The following CACNA1E variants were observed in gnomAD, a reference collection of about 807,000 sequenced individuals.
The protein encoded by CACNA1E is voltage-dependent R-type calcium channel subunit alpha-1E.
CACNA1E carries 40 observed loss-of-function variants against 259.2 expected under a neutral mutation model. The ratio of observed to expected loss-of-function variants is 0.15; its 90% confidence interval spans 0.12 to 0.20. CACNA1E has a LOEUF of 0.20. Among genes scored for constraint, CACNA1E ranks in the 10% least tolerant of loss-of-function variants. CACNA1E has a pLI of 1.00. For synonymous variants in CACNA1E, 1,104 were observed against 1,138.5 expected (o/e 0.97, Z 0.61); for missense variants, 1,874 against 3,040.1 (o/e 0.62, Z 9.02).
intron 2 of CACNA1E, among the ~76,000 whole-genome samples, chr1:181,463,755 T>C (rs1235666643): frequency 1.3e-5 from 2 of 152,118 alleles, no homozygotes; most frequent in African/African-American, 2.4e-5. Flanking sequence ...TGACTTGTCT[T>C]TTTCACTTTG....
At chr1:181,625,792 G>A (rs1386348971) in intron 6 of CACNA1E, among the ~76,000 whole-genome samples, 1 of 152,118 alleles carries the variant, frequency 6.6e-6, no homozygotes, top group East Asian at 1.9e-4. Flanking sequence ...CTCACAATTT[G>A]GCCATTTGGT....
intron 6 of CACNA1E, among the ~76,000 whole-genome samples, chr1:181,597,627 G>T (rs1653320557): frequency 6.6e-6 from 1 of 152,202 alleles, no homozygotes; most frequent in Admixed American, 6.5e-5. Flanking sequence ...TTTGATAAAT[G>T]AGGCACTGTA....
chr1:181,452,524 C>A (rs1661220569), intron 2 of CACNA1E, among the ~76,000 whole-genome samples: 1 of 152,154 alleles, frequency 6.6e-6, no homozygotes, highest in Admixed American at 6.5e-5. Context: ...GGATGGGAAG[C>A]ATTCAGGGAG....
chr1:181,364,829 T>A (rs901532972), intron 1 of CACNA1E, among the ~76,000 whole-genome samples: 1 of 152,180 alleles, frequency 6.6e-6, no homozygotes, highest in Non-Finnish European at 1.5e-5. Flanking sequence ...TGGGCTCCAG[T>A]CTTCCACCTC....
intron 2 of CACNA1E, among the ~76,000 whole-genome samples, chr1:181,420,328 C>T (rs186987291): frequency 5.8e-4 from 89 of 152,194 alleles, no homozygotes; most frequent in South Asian, 4.2e-4. Flanking sequence ...TGTTGTTTTC[C>T]TAAGAACCTA....
At chr1:181,695,295 AT>A (rs1651586238) in intron 7 of CACNA1E, among the ~76,000 whole-genome samples, 2 of 152,218 alleles carry the variant, frequency 1.3e-5, no homozygotes, top group Non-Finnish European at 2.9e-5. Flanking sequence ...TAAGATATCC[AT>A]TATCTCTAAA....
intron 6 of CACNA1E, among the ~76,000 whole-genome samples, chr1:181,630,381 C>T (rs973332516): frequency 2.0e-5 from 3 of 149,682 alleles, no homozygotes; most frequent in Non-Finnish European, 4.4e-5. Flanking sequence ...GTGTAATTAA[C>T]ATGCCCCCCC....
chr1:181,788,516 G>T (rs901893518), intron 43 of CACNA1E, among the ~76,000 whole-genome samples: 2 of 152,200 alleles, frequency 1.3e-5, no homozygotes, highest in Non-Finnish European at 2.9e-5. Flanking sequence ...TTTACAGAGT[G>T]GTAGGGGAGT....
Position 181,798,054 on chromosome 1 carries a change from A to G in CACNA1E, c.6400-238A>G, listed in dbSNP as rs1236292679. Among the ~76,000 whole-genome samples, 1 of 152,220 alleles carries G rather than the reference A, an allele frequency of 6.6e-6. No homozygotes were observed. The highest frequency in any genetic ancestry group is 2.4e-5 in the African/African-American group (1 of 41,454). On this transcript the variant is annotated intron_variant, in intron 47 of 47. Transcript: ENST00000367573. This position sits in a 1 kb window ranked among gnomAD's most constrained non-coding sequence, Gnocchi z 4.2. The stretch of plus-strand genomic sequence containing the variant: ...CCAGATCTTCTGAGCCTGCATCTGC[A>G]GTTTAACCAGATCCCCAGAGGTTTG...
chr1:181,418,452 T>C (rs900646396), intron 2 of CACNA1E, among the ~76,000 whole-genome samples: 1 of 152,230 alleles, frequency 6.6e-6, no homozygotes, highest in Admixed American at 6.5e-5. Flanking sequence ...TACTTCCTAG[T>C]GCTCTTGCCC....
Position 181,511,591 on chromosome 1 carries a change from G to A in CACNA1E, c.512+81G>A. The A allele has an allele frequency of 2.0e-6, 3 of 1,513,816 alleles. No homozygotes were observed. In the South Asian group the frequency reaches 3.5e-5, roughly 17 times the overall value. The allele number at this position is 1,513,816 out of a possible 1,614,324, so 93.8% of individuals were successfully genotyped here. A position where few individuals can be genotyped will look rare whatever the true frequency, so the allele number is the denominator to read the frequency against. On this transcript the variant is annotated intron_variant, in intron 3 of 47. Coordinates refer to ENST00000367573, the MANE Select transcript of CACNA1E (RefSeq NM_001205293.3). ...GAGGTGGCTGGGGGCAGGGAACCTG[G>A]GGTGGAAAGACAGCAATCTGTAGAG...
chr1:181,363,898 G>A (rs1238342120), intron 1 of CACNA1E, among the ~76,000 whole-genome samples: 3 of 152,200 alleles, frequency 2.0e-5, no homozygotes, highest in Non-Finnish European at 1.5e-5. Context: ...CAGAGTATGG[G>A]ATGTCTTCAT....
At position 181,543,614 on chromosome 1, in the gene CACNA1E, G is replaced by T. The variant is rs145993734; in HGVS notation, c.512+32104G>T. Among the ~76,000 whole-genome samples the T allele has an allele frequency of 2.9e-3, 445 of 152,228 alleles. 1 individual carries two copies. The highest frequency in any genetic ancestry group is 5.3e-3 in the Non-Finnish European group (362 of 68,010). On this transcript the variant is annotated intron_variant, in intron 3 of 47. Transcript: ENST00000367573. ...TCTGCAGACTGAGAAGAGGGTCCTC[G>T]CCAGGAATCTAACTGGCCAGCACCT...
chr1:181,458,348 T>C (rs994512700), intron 2 of CACNA1E, among the ~76,000 whole-genome samples: 2 of 152,214 alleles, frequency 1.3e-5, no homozygotes, highest in Non-Finnish European at 2.9e-5. Flanking sequence ...CAGTTTCCTA[T>C]GCCCACCAGA....
chr1:181,461,683 CA>C (rs1487957501), intron 2 of CACNA1E, among the ~76,000 whole-genome samples: 2 of 152,006 alleles, frequency 1.3e-5, no homozygotes, highest in African/African-American at 4.8e-5. Context: ...CTTGCTCAAC[CA>C]AAAATACCAG....
chr1:181,495,820 A>T (rs1336149942), intron 1 of CACNA1E, among the ~76,000 whole-genome samples: 1 of 152,228 alleles, frequency 6.6e-6, no homozygotes, highest in East Asian at 1.9e-4. Context: ...TATTAGTGTT[A>T]ATGTTGATAG....
At chr1:181,794,290 T>C (rs900994178) in intron 45 of CACNA1E, among the ~76,000 whole-genome samples, 3 of 152,222 alleles carry the variant, frequency 2.0e-5, no homozygotes, top group Non-Finnish European at 2.9e-5. Flanking sequence ...TTTGTTTTAA[T>C]ATCTGTGGCA....
chr1:181,632,158 T>C (rs1298723517), intron 6 of CACNA1E, among the ~76,000 whole-genome samples: 1 of 152,112 alleles, frequency 6.6e-6, no homozygotes, highest in Non-Finnish European at 1.5e-5. Context: ...TTTCTCAACT[T>C]CTCTTCACCC....
At chr1:181,320,652 C>A (rs1233877012) in intron 1 of CACNA1E, among the ~76,000 whole-genome samples, 1 of 152,212 alleles carries the variant, frequency 6.6e-6, no homozygotes, top group African/African-American at 2.4e-5. Flanking sequence ...CTAGCTGACT[C>A]CCTGCACACG....
Sources: gnomAD v4.1 joint callset for allele counts (sites outside exome capture counted in the v4.1 genomes callset) on GRCh38, gnomAD v4.1.1 for gene constraint, Gnocchi (gnomAD v3.1) non-coding constraint, MANE v1.5 for transcripts, NCBI Gene and HGNC (gene_info 2026-07-23, HGNC 2026-07-21) for gene names.